The following MTX2 variants were observed in gnomAD, a reference collection of about 807,000 sequenced individuals.
MTX2 encodes the protein metaxin 2, also known as metaxin-2.
In MTX2, 35 loss-of-function variants were observed where a neutral mutation model predicts 42.3. The observed-to-expected ratio is 0.83, with a 90% CI of 0.63 to 1.10. MTX2 has a LOEUF of 1.10. MTX2 is among the 50% of genes least tolerant of loss of function. The probability of loss-of-function intolerance (pLI) is 0.00; values close to 1 mark genes in which losing one functional copy is unlikely to be tolerated. For missense variants in MTX2, 307 were observed against 304.1 expected, an observed-to-expected ratio of 1.01 and a Z score of -0.07; for synonymous variants, 119 against 100.9, an observed-to-expected ratio of 1.18 and a Z score of -1.08.
chr2:176,323,400 G>A lies in MTX2; in HGVS notation c.144G>A (p.Leu48=). The A allele has an allele frequency of 1.2e-6, 2 of 1,610,710 alleles. No homozygotes were observed. The highest frequency in any genetic ancestry group is 1.7e-6 in the Non-Finnish European group (2 of 1,177,886). Residue 48 remains leucine, a synonymous_variant, in exon 4 of 10, where the codon TTG becomes TTA. Transcript: ENST00000249442. Reference sequence around the variant, plus strand: ...TGTATCTTGATTTACAGGCCTTTTTGCAAATGTGTAACTTGCCTATCAAAG... The same window carrying A: ...TGTATCTTGATTTACAGGCCTTTTTACAAATGTGTAACTTGCCTATCAAAG... The part of the protein sequence containing the change: ...NAASLAVQAF[L]QMCNLPIKVV...
intron 3 of MTX2, among the ~76,000 whole-genome samples, chr2:176,322,671 G>A (rs1684612709): frequency 6.6e-6 from 1 of 151,802 alleles, no homozygotes; most frequent in Admixed American, 6.6e-5. Context: ...TAGTAATAGA[G>A]TTTTGCATTT....
At chr2:176,278,558 A>G (rs1693003520) in intron 1 of MTX2, among the ~76,000 whole-genome samples, 1 of 152,170 alleles carries the variant, frequency 6.6e-6, no homozygotes, top group Non-Finnish European at 1.5e-5. Context: ...TGGGTGCCCC[A>G]TAAAATTTGT....
chr2:176,329,927 A>G (rs938330359), intron 8 of MTX2, among the ~76,000 whole-genome samples: 18 of 150,656 alleles, frequency 1.2e-4, no homozygotes, highest in South Asian at 2.1e-4. Context: ...CTATCTGTCT[A>G]TCTATATTTT....
At chr2:176,321,863 A>G (rs1454651945) in intron 3 of MTX2, among the ~76,000 whole-genome samples, 4 of 152,160 alleles carry the variant, frequency 2.6e-5, no homozygotes, top group Admixed American at 2.6e-4. Flanking sequence ...AGCCTCTACC[A>G]GGATAAGCTC....
chr2:176,273,913 TAAA>T (rs35060266), intron 1 of MTX2, among the ~76,000 whole-genome samples: 2 of 145,132 alleles, frequency 1.4e-5, no homozygotes, highest in Non-Finnish European at 3.0e-5. Flanking sequence ...TAATTTTCCT[TAAA>T]AAAAAAAAAA....
At chr2:176,269,902 G>A (rs932157807) in intron 1 of MTX2, among the ~76,000 whole-genome samples, 9 of 152,118 alleles carry the variant, frequency 5.9e-5, no homozygotes, top group Non-Finnish European at 1.2e-4. Flanking sequence ...CCCTTGGGCG[G>A]TACTTTGTCC....
At chr2:176,282,546 C>T (rs1271826104) in intron 1 of MTX2, among the ~76,000 whole-genome samples, 3 of 151,996 alleles carry the variant, frequency 2.0e-5, no homozygotes, top group African/African-American at 7.2e-5. Context: ...TTTGTGAATT[C>T]TTTCCTGTTT....
rs897339321 is a variant in MTX2 at position 176,328,904 on chromosome 2, G to A, written c.409G>A (p.Val137Ile). 6.2e-7 allele frequency: 1 copy of A among 1,606,682 alleles called. No individual in the cohort carries two copies. Among genetic ancestry groups the A allele is most frequent in the Non-Finnish European group, 8.5e-7 (1 of 1,175,084 alleles). The change falls in exon 7 of 10, where the codon GTA (valine) becomes ATA (isoleucine). Residue 137 changes from valine (V) to isoleucine (I), a missense_variant. Transcript: ENST00000249442. ...LYLQWCDEAT[V>I]GEITHARYGS... ...TCTTCAGTGGTGTGATGAAGCTACA[G>A]TAGGGGAGGTGAGTGGTTCTGTAAC...
intron 3 of MTX2, among the ~76,000 whole-genome samples, chr2:176,304,804 A>G (rs1181730682): frequency 6.6e-6 from 1 of 152,098 alleles, no homozygotes. Context: ...TAGGAAATAA[A>G]TAGAAGCTTT....
At chr2:176,325,976 G>C (rs548022333) in intron 4 of MTX2, among the ~76,000 whole-genome samples, 179 of 127,574 alleles carry the variant, frequency 1.4e-3, no homozygotes, top group Non-Finnish European at 2.5e-3. Flanking sequence ...AGCCAGAGAG[G>C]AGTGAATCTA....
intron 3 of MTX2, among the ~76,000 whole-genome samples, chr2:176,322,691 A>G (rs1320631834): frequency 6.6e-6 from 1 of 151,952 alleles, no homozygotes; most frequent in Non-Finnish European, 1.5e-5. Flanking sequence ...TTTTTACTTA[A>G]TATTATAATG....
At chr2:176,308,597 G>A (rs994921769) in intron 3 of MTX2, among the ~76,000 whole-genome samples, 6 of 152,016 alleles carry the variant, frequency 3.9e-5, no homozygotes, top group African/African-American at 9.7e-5. Flanking sequence ...CAGAGATTCA[G>A]CTTCTTCCTG....
chr2:176,311,493 T>G (rs1286757500), intron 3 of MTX2, among the ~76,000 whole-genome samples: 1 of 152,238 alleles, frequency 6.6e-6, no homozygotes, highest in Non-Finnish European at 1.5e-5. Flanking sequence ...TTTATTCAGC[T>G]ATGCCCTGCC....
At chr2:176,296,720 G>A (rs1683895352) in intron 1 of MTX2, 140 bp from the exon 2 acceptor site, 2 of 755,110 alleles carry the variant, frequency 2.6e-6, no homozygotes, top group Non-Finnish European at 4.6e-6. Flanking sequence ...ATCTAAGATA[G>A]TGTGATTAGT....
At chr2:176,308,280 G>A (rs1459716932) in intron 3 of MTX2, among the ~76,000 whole-genome samples, 1 of 152,116 alleles carries the variant, frequency 6.6e-6, no homozygotes, top group Non-Finnish European at 1.5e-5. Flanking sequence ...GGTTTTTGAT[G>A]TGCTGTTGCT....
At chr2:176,275,119 A>G (rs1374850281) in intron 1 of MTX2, among the ~76,000 whole-genome samples, 3 of 152,170 alleles carry the variant, frequency 2.0e-5, no homozygotes, top group Non-Finnish European at 4.4e-5. Flanking sequence ...GTTTTTTGGA[A>G]TATATTTTTT....
intron 3 of MTX2, among the ~76,000 whole-genome samples, chr2:176,312,996 A>G (rs1282865870): frequency 6.6e-6 from 1 of 151,966 alleles, no homozygotes; most frequent in Non-Finnish European, 1.5e-5. Context: ...AGTAAATACA[A>G]TTAAATTATA....
chr2:176,331,292 A>G (rs896499487), intron 9 of MTX2, among the ~76,000 whole-genome samples: 2 of 151,184 alleles, frequency 1.3e-5, no homozygotes, highest in African/African-American at 4.8e-5. Flanking sequence ...TTGTTAAAAA[A>G]TTACAATTTT....
chr2:176,311,612 G>A (rs1350977775), intron 3 of MTX2, among the ~76,000 whole-genome samples: 1 of 152,176 alleles, frequency 6.6e-6, no homozygotes, highest in Non-Finnish European at 1.5e-5. Context: ...AGCAATGGAG[G>A]ACACCCCTCC....
Sources: allele counts gnomAD v4.1 joint callset (sites outside exome capture counted in the v4.1 genomes callset), GRCh38; gene constraint gnomAD v4.1.1; transcripts MANE v1.5; gene names NCBI Gene and HGNC (gene_info 2026-07-23, HGNC 2026-07-21).